NYAP2: variants seen among roughly 807,000 people sequenced by gnomAD.
NYAP2 encodes the protein neuronal tyrosine-phosphorylated phosphoinositide-3-kinase adaptor 2.
A neutral mutation model predicts 50.4 loss-of-function variants in NYAP2; 23 were observed. The observed-to-expected ratio is 0.46, with a 90% confidence interval of 0.33 to 0.65. The LOEUF is 0.65. Among genes scored for constraint, NYAP2 ranks in the 30% least tolerant of loss-of-function variants. The probability of loss-of-function intolerance (pLI) is 0.02; values close to 1 mark genes in which losing one functional copy is unlikely to be tolerated. For synonymous variants in NYAP2, 394 were observed against 365.2 expected (o/e 1.08, Z -0.90); for missense variants, 885 against 861.0 (o/e 1.03, Z -0.35).
chr2:225,684,716 A>C, the NYAP2 span, among the ~76,000 whole-genome samples: 1 of 151,816 alleles, frequency 6.6e-6, no homozygotes, highest in Non-Finnish European at 1.5e-5. Context: ...ATGCCCAGAT[A>C]ATTTTTGTAC....
chr2:225,518,356 G>C (rs550427722), intron 4 of NYAP2, among the ~76,000 whole-genome samples: 1 of 151,236 alleles, frequency 6.6e-6, no homozygotes, highest in South Asian at 2.1e-4. Context: ...GCTAGGGCAG[G>C]AGTGGGTGAA....
chr2:225,635,043 A>G (rs1451873047), intron 6 of NYAP2, among the ~76,000 whole-genome samples: 3 of 152,230 alleles, frequency 2.0e-5, no homozygotes, highest in African/African-American at 7.2e-5. Flanking sequence ...TTTACTTGAT[A>G]ACACTGAAAT....
intron 4 of NYAP2, among the ~76,000 whole-genome samples, chr2:225,539,156 C>G (rs1400960087): frequency 6.6e-6 from 1 of 152,130 alleles, no homozygotes; most frequent in East Asian, 1.9e-4. Context: ...TCATCCACGT[C>G]CTTGCAAAAG....
chr2:225,524,525 C>A (rs1043651459), intron 4 of NYAP2, among the ~76,000 whole-genome samples: 3 of 152,078 alleles, frequency 2.0e-5, no homozygotes, highest in African/African-American at 7.2e-5. Flanking sequence ...ATCCTTCAGC[C>A]CAATCGAATT....
intron 4 of NYAP2, among the ~76,000 whole-genome samples, chr2:225,516,309 T>A (rs1254240334): frequency 6.6e-6 from 1 of 152,186 alleles, no homozygotes; most frequent in Non-Finnish European, 1.5e-5. Context: ...CTTTATTTCT[T>A]CTGAAGACAA....
intron 3 of NYAP2, among the ~76,000 whole-genome samples, chr2:225,424,185 A>T (rs1183290877): frequency 6.6e-6 from 1 of 152,150 alleles, no homozygotes; most frequent in African/African-American, 2.4e-5. Context: ...AACCAAGAAT[A>T]TGTTATTTTG....
At chr2:225,564,819 A>G (rs755362267) in intron 4 of NYAP2, among the ~76,000 whole-genome samples, 1 of 152,086 alleles carries the variant, frequency 6.6e-6, no homozygotes, top group African/African-American at 2.4e-5. Flanking sequence ...TAACTCACCA[A>G]TGTAATTTTG....
chr2:225,557,392 C>A (rs1691795578), intron 4 of NYAP2, among the ~76,000 whole-genome samples: 1 of 152,114 alleles, frequency 6.6e-6, no homozygotes. Context: ...TCTCCAATTT[C>A]ATGAAGCTTT....
chr2:225,650,522 A>G (rs1198594346), intron 6 of NYAP2, among the ~76,000 whole-genome samples: 1 of 152,188 alleles, frequency 6.6e-6, no homozygotes, highest in African/African-American at 2.4e-5. Context: ...TTAGGTTTCT[A>G]ATTTGTAAGT....
chr2:225,601,283 G>T (rs1211733029), intron 5 of NYAP2, among the ~76,000 whole-genome samples: 1 of 152,038 alleles, frequency 6.6e-6, no homozygotes, highest in Non-Finnish European at 1.5e-5. Flanking sequence ...ACCACGACCA[G>T]CTAATTTTTG....
intron 3 of NYAP2, among the ~76,000 whole-genome samples, chr2:225,414,057 G>A (rs764854582): frequency 6.6e-6 from 1 of 152,106 alleles, no homozygotes; most frequent in Non-Finnish European, 1.5e-5. Context: ...AAAACACTGA[G>A]CTCTTAGAAA....
chr2:225,444,355 A>G (rs1301607973), intron 3 of NYAP2, among the ~76,000 whole-genome samples: 1 of 152,216 alleles, frequency 6.6e-6, no homozygotes. Flanking sequence ...CTTAGTACAC[A>G]CATCATCTGT....
At chr2:225,412,173 G>C (rs1245706110) in intron 3 of NYAP2, among the ~76,000 whole-genome samples, 1 of 145,114 alleles carries the variant, frequency 6.9e-6, no homozygotes, top group African/African-American at 2.5e-5. Context: ...TGGCCAAGAT[G>C]GTCTCTATCT....
At chr2:225,519,424 C>A (rs71429164) in intron 4 of NYAP2, among the ~76,000 whole-genome samples, 1 of 114,972 alleles carries the variant, frequency 8.7e-6, no homozygotes, top group Non-Finnish European at 1.7e-5. Context: ...CCTCCCCCTC[C>A]CCCCACCCCA....
At chr2:225,428,947 C>T (rs1233477949) in intron 3 of NYAP2, among the ~76,000 whole-genome samples, 2 of 152,198 alleles carry the variant, frequency 1.3e-5, no homozygotes, top group Non-Finnish European at 2.9e-5. Context: ...TATTATATAA[C>T]ATATCCTATA....
chr2:225,415,937 A>G (rs567018358), intron 3 of NYAP2, among the ~76,000 whole-genome samples: 3 of 152,182 alleles, frequency 2.0e-5, no homozygotes, highest in East Asian at 1.9e-4. Context: ...AATCTGCAGC[A>G]TGTCAGGGTC....
At chr2:225,560,281 A>G (rs1289734236) in intron 4 of NYAP2, among the ~76,000 whole-genome samples, 4 of 152,156 alleles carry the variant, frequency 2.6e-5, no homozygotes, top group Non-Finnish European at 2.9e-5. Flanking sequence ...ACTTTATTGT[A>G]TAGTTATAAG....
At chr2:225,513,587 C>A in exon 4 of NYAP2, 1 of 1,593,876 alleles carries the variant, frequency 6.3e-7, no homozygotes, top group Non-Finnish European at 8.6e-7. Flanking sequence ...CCAAGAGGGA[C>A]CCCAGCACCA....
chr2:225,584,389 G>A (rs1003281218), intron 5 of NYAP2, among the ~76,000 whole-genome samples: 1 of 152,180 alleles, frequency 6.6e-6, no homozygotes, highest in Non-Finnish European at 1.5e-5. Context: ...ACACCTTTAT[G>A]AGTATTAAAT....
Sources: allele counts gnomAD v4.1 joint callset (sites outside exome capture counted in the v4.1 genomes callset), GRCh38; gene constraint gnomAD v4.1.1; transcripts MANE v1.5; gene names NCBI Gene and HGNC (gene_info 2026-07-23, HGNC 2026-07-21).